CDA: variants seen among roughly 807,000 people sequenced by gnomAD.
The protein encoded by CDA is cytidine deaminase.
In CDA, 7 loss-of-function variants were observed where a neutral mutation model predicts 15.0. The ratio of observed to expected loss-of-function variants is 0.47; its 90% CI spans 0.26 to 0.87. The LOEUF is 0.87. Ranked by LOEUF, CDA falls within the 40% of genes least tolerant of loss-of-function variation. The pLI, the probability that CDA is intolerant of heterozygous loss-of-function variation, is 0.15. For synonymous variants in CDA, 58 were observed against 73.0 expected (o/e 0.79, Z 1.05); for missense variants, 159 against 182.7 (o/e 0.87, Z 0.75).
Position 20,604,874 on chromosome 1 carries a change from C to T in CDA, c.155-54C>T, listed in dbSNP as rs150168731. ...TGGGGCAAACTTCTTACTCAACACA[C>T]GCAACAGGAAGTGTCTCTGCCAGAC... On this transcript the variant is annotated intron_variant, in intron 1 of 3. Coordinates refer to ENST00000375071, the MANE Select transcript of CDA (RefSeq NM_001785.3). 1.3e-3 allele frequency: 1,596 copies of T among 1,184,810 alleles called. 1 individual carries two copies. Among genetic ancestry groups the T allele is most frequent in the Non-Finnish European group, 1.7e-3 (1,402 of 804,504 alleles). The allele number at this position is 1,184,810 out of a possible 1,614,324, so 73.4% of individuals were successfully genotyped here.
chr1:20,604,042 T>G (rs892083024), intron 1 of CDA, among the ~76,000 whole-genome samples: 2 of 130,978 alleles, frequency 1.5e-5, no homozygotes, highest in Non-Finnish European at 1.7e-5. Context: ...GAGGTGTTTT[T>G]TTTGTTTGTT....
chr1:20,610,271 TTTA>T (rs375309029), intron 2 of CDA, among the ~76,000 whole-genome samples: 1 of 141,878 alleles, frequency 7.0e-6, no homozygotes, highest in Admixed American at 6.9e-5. Flanking sequence ...CTTTTTTTTT[TTTA>T]TTTTATTTTA....
chr1:20,594,788 CAAA>C (rs60698295), intron 1 of CDA, among the ~76,000 whole-genome samples: 5 of 121,562 alleles, frequency 4.1e-5, no homozygotes, highest in Non-Finnish European at 3.4e-5. Context: ...GACGCCATCT[CAAA>C]AAAAAAAAAA....
chr1:20,613,085 G>T (rs1013177053), intron 2 of CDA, among the ~76,000 whole-genome samples: 4 of 152,094 alleles, frequency 2.6e-5, no homozygotes, highest in African/African-American at 9.7e-5. Flanking sequence ...TTCACTAAAT[G>T]GTGACTTATG....
intron 3 of CDA, among the ~76,000 whole-genome samples, chr1:20,617,797 A>C (rs760232406): frequency 1.0e-5 from 1 of 97,976 alleles, no homozygotes; most frequent in Non-Finnish European, 2.2e-5. Flanking sequence ...CGGGTTCCAG[A>C]GATTCTCCTG....
chr1:20,589,454 G>A (rs1331128630), intron 1 of CDA, among the ~76,000 whole-genome samples, 171 bp downstream of exon 1: 3 of 152,164 alleles, frequency 2.0e-5, no homozygotes, highest in Admixed American at 2.0e-4. Context: ...CCCAGACCGC[G>A]CTCAAATGTG....
chr1:20,610,300 A>ATTT (rs2052736883), intron 2 of CDA, among the ~76,000 whole-genome samples: 1 of 128,372 alleles, frequency 7.8e-6, no homozygotes, highest in African/African-American at 2.8e-5. Flanking sequence ...ATTTTTATTT[A>ATTT]TTTATTTTTA....
chr1:20,618,466 G>A lies in CDA; in HGVS notation c.339G>A (p.Trp113Ter), dbSNP rs780595709. The A allele has an allele frequency of 1.2e-6, 2 of 1,611,148 alleles. No homozygotes were observed. Among genetic ancestry groups the A allele is most frequent in the Non-Finnish European group, 1.7e-6 (2 of 1,177,868 alleles). The part of the protein sequence containing the change: ...RQVMREFGTN[W>*]PVYMTKPDGT... ...CTCTTTTCCAGTTTGGCACCAACTG[G>A]CCCGTGTACATGACCAAGCCGGATG... Residue 113 changes from tryptophan to a stop codon, truncating the protein, a stop_gained, in exon 4 of 4, where the codon TGG (tryptophan) becomes TGA (stop). Coordinates refer to ENST00000375071, the MANE Select transcript of CDA (RefSeq NM_001785.3). LOFTEE classifies it high-confidence loss of function.
intron 2 of CDA, among the ~76,000 whole-genome samples, chr1:20,613,440 G>A (rs1356427576): frequency 2.6e-5 from 4 of 152,148 alleles, no homozygotes; most frequent in African/African-American, 7.2e-5. Flanking sequence ...CCTGCCCTCA[G>A]GTGATCCACC....
At chr1:20,589,349 C>A in intron 1 of CDA, 66 bp downstream of exon 1, 1 of 1,489,986 alleles carries the variant, frequency 6.7e-7, no homozygotes, top group Non-Finnish European at 9.3e-7. Context: ...GGAAGATGTA[C>A]AGGAAGAGGC....
chr1:20,614,980 G>A (rs917989590), intron 3 of CDA, among the ~76,000 whole-genome samples: 5 of 151,990 alleles, frequency 3.3e-5, no homozygotes, highest in Admixed American at 2.0e-4. Context: ...TCCTGCCTCA[G>A]CCTCCCGAGT....
At chr1:20,594,968 G>T (rs753140675) in intron 1 of CDA, among the ~76,000 whole-genome samples, 2 of 152,102 alleles carry the variant, frequency 1.3e-5, no homozygotes, top group African/African-American at 2.4e-5. Context: ...GGCACTGCAC[G>T]AGGTGTCCCT....
Position 20,606,073 on chromosome 1 carries a change from T to C in CDA, c.266+1034T>C, listed in dbSNP as rs1281329422. On this transcript the variant is annotated intron_variant, in intron 2 of 3. Coordinates refer to ENST00000375071, the MANE Select transcript of CDA (RefSeq NM_001785.3). ...AGTCTGGCCCCAAGGAGACCCAGCT[T>C]AATTTGTTTCTGAGTAAGTAAAGCC... Among the ~76,000 whole-genome samples, 14 of 125,196 alleles carry C rather than the reference T, an allele frequency of 1.1e-4. 4 individuals carry two copies. The highest frequency in any genetic ancestry group is 2.3e-4 in the Non-Finnish European group (13 of 56,364). The allele number at this position is 125,196 out of a possible 152,430, so 82.1% of individuals were successfully genotyped here. A position where few individuals can be genotyped will look rare whatever the true frequency, so the allele number is the denominator to read the frequency against.
Position 20,604,960 on chromosome 1 carries a change from G to T in CDA, c.187G>T (p.Gly63Cys), listed in dbSNP as rs2154532378. 1 of 1,613,722 alleles carries T rather than the reference G, an allele frequency of 6.2e-7. No homozygotes were observed. Among genetic ancestry groups the T allele is most frequent in the South Asian group, 1.1e-5 (1 of 90,952 alleles). The part of the protein sequence containing the change: ...CNIENACYPL[G>C]ICAERTAIQK... ...CATAGAAAATGCCTGCTACCCGCTG[G>T]GCATCTGTGCTGAACGGACCGCTAT... The change falls in exon 2 of 4, where the codon GGC becomes TGC. Residue 63 changes from glycine to cysteine, a missense_variant. Transcript: ENST00000375071.
chr1:20,614,905 A>T (rs1435004427), intron 3 of CDA, among the ~76,000 whole-genome samples: 2 of 152,030 alleles, frequency 1.3e-5, no homozygotes, highest in Non-Finnish European at 2.9e-5. Flanking sequence ...TCTGTCACCC[A>T]GGCTGGAGTG....
intron 1 of CDA, among the ~76,000 whole-genome samples, chr1:20,595,447 TCAG>T (rs1378076045): frequency 6.6e-6 from 1 of 152,080 alleles, no homozygotes; most frequent in African/African-American, 2.4e-5. Context: ...GCCCCTCTCT[TCAG>T]CAGCTGATGG....
intron 1 of CDA, among the ~76,000 whole-genome samples, chr1:20,599,617 C>T (rs1199213824): frequency 7.4e-5 from 8 of 108,032 alleles, no homozygotes; most frequent in East Asian, 2.5e-4. Flanking sequence ...ACTCCGTCTC[C>T]AAAATAAAAT....
chr1:20,618,315 T>C, intron 3 of CDA, 137 bp from the exon 4 acceptor site: 1 of 684,178 alleles, frequency 1.5e-6, no homozygotes, highest in East Asian at 2.8e-5. Context: ...ACAATTATGG[T>C]CATTCCCCTT....
chr1:20,594,537 CG>C (rs137982395), intron 1 of CDA, among the ~76,000 whole-genome samples: 2,778 of 152,048 alleles, frequency 0.018, 83 homozygotes, highest in African/African-American at 0.062. Context: ...ACTGTAATCC[CG>C]GTGCTTTTGG....
Sources: allele counts gnomAD v4.1 joint callset (sites outside exome capture counted in the v4.1 genomes callset), GRCh38; gene constraint gnomAD v4.1.1; transcripts MANE v1.5; gene names NCBI Gene and HGNC (gene_info 2026-07-23, HGNC 2026-07-21).